The following NDP variants were observed in gnomAD, a reference collection of about 807,000 sequenced individuals.
NDP encodes norrin.
Under a neutral mutation model 8.4 loss-of-function variants are expected in NDP, and 2 were observed. The ratio of observed to expected loss-of-function variants is 0.24; its 90% confidence interval spans 0.10 to 0.75. NDP has a LOEUF of 0.75. NDP is among the 30% of genes least tolerant of loss of function. The pLI, the probability that NDP is intolerant of heterozygous loss-of-function variation, is 0.73. For synonymous variants in NDP, 55 were observed against 45.6 expected (o/e 1.21, Z -0.83); for missense variants, 81 against 110.1 (o/e 0.74, Z 1.18).
intron 1 of NDP, among the ~76,000 whole-genome samples, chrX:43,963,877 A>G (rs746470455): frequency 1.8e-5 from 2 of 112,905 alleles, no homozygotes; most frequent in Non-Finnish European, 3.7e-5. Flanking sequence ...AGCTGGCAGC[A>G]CATCAGTAGC....
At chrX:43,955,498 C>T (rs2035787744) in intron 2 of NDP, among the ~76,000 whole-genome samples, 1 of 112,477 alleles carries the variant, frequency 8.9e-6, no homozygotes, top group Non-Finnish European at 1.9e-5. Flanking sequence ...GCCTGGCATG[C>T]CTCAGTTCTC....
rs2035746367 is a variant in NDP at position 43,949,229 on chromosome X, CTGTT to C, written c.*566_*569del. ...GAGTTCCAGCATCACATAAAAGAAT[CTGTT>C]TGTTAGTTATTTTAATGTCAGTTCG... On this transcript the variant is annotated 3_prime_UTR_variant, in exon 3 of 3. Coordinates refer to ENST00000642620, the MANE Select transcript of NDP (RefSeq NM_000266.4). 3 of 114,620 alleles carry C rather than the reference CTGTT, an allele frequency of 2.6e-5. No homozygotes were observed. In the Admixed American group the frequency reaches 2.7e-4, roughly 10 times the overall value. 9.4% of individuals were successfully genotyped at this position (114,620 alleles called of 1,213,427 possible).
intron 2 of NDP, among the ~76,000 whole-genome samples, chrX:43,957,808 C>G (rs777802950): frequency 7.9e-5 from 8 of 100,922 alleles, no homozygotes; most frequent in Non-Finnish European, 1.2e-4. Flanking sequence ...TATGTTCCAC[C>G]CTACAATGTG....
At chrX:43,969,976 TC>T (rs955697266) in intron 1 of NDP, among the ~76,000 whole-genome samples, 1 of 112,042 alleles carries the variant, frequency 8.9e-6, no homozygotes, top group Non-Finnish European at 1.9e-5. Flanking sequence ...CTAGCTGGAT[TC>T]TTTTCTGAAT....
At chrX:43,965,988 T>A (rs1292449853) in intron 1 of NDP, among the ~76,000 whole-genome samples, 2 of 111,374 alleles carry the variant, frequency 1.8e-5, no homozygotes. Flanking sequence ...CAGAAAAGAG[T>A]CATTCTGAAG....
At chrX:43,965,317 G>T (rs1016223026) in intron 1 of NDP, among the ~76,000 whole-genome samples, 1 of 110,821 alleles carries the variant, frequency 9.0e-6, no homozygotes, top group Non-Finnish European at 1.9e-5. Context: ...TACTTGGGAG[G>T]TTGAGGTGGG....
intron 1 of NDP, among the ~76,000 whole-genome samples, chrX:43,970,896 C>A (rs1006977041): frequency 1.8e-5 from 2 of 111,811 alleles, no homozygotes; most frequent in African/African-American, 6.5e-5. Flanking sequence ...TTCCGGGATT[C>A]TTCTACCCAG....
intron 2 of NDP, among the ~76,000 whole-genome samples, chrX:43,954,761 T>C: frequency 9.0e-6 from 1 of 110,808 alleles, no homozygotes; most frequent in Non-Finnish European, 1.9e-5. Context: ...TTCCTAGGTT[T>C]TGTCTCCCAA....
chrX:43,950,115 G>A, intron 2 of NDP, 89 bp from the exon 3 acceptor site: 1 of 837,656 alleles, frequency 1.2e-6, no homozygotes, highest in Non-Finnish European at 1.7e-6. Flanking sequence ...CCTCACACTC[G>A]TTGCCAATTC....
intron 1 of NDP, among the ~76,000 whole-genome samples, chrX:43,960,191 G>A (rs961401229): frequency 8.1e-5 from 9 of 111,537 alleles, no homozygotes; most frequent in African/African-American, 2.9e-4. Context: ...GGAAGGGCAA[G>A]GACCAGTAAT....
chrX:43,958,385 T>C lies in NDP; in HGVS notation c.174+87A>G. 9.3e-6 allele frequency: 10 copies of C among 1,074,872 alleles called. No individual in the cohort carries two copies. The South Asian group carries it at 1.9e-4, about 20-fold the overall frequency. The allele number at this position is 1,074,872 out of a possible 1,213,427, so 88.6% of individuals were successfully genotyped here. A position where few individuals can be genotyped will look rare whatever the true frequency, so the allele number is the denominator to read the frequency against. ...CACATCACTTAAGTTTGGGCTATGA[T>C]CTTAGTTCTCCATCCCCTGACAAAG... On this transcript the variant is annotated intron_variant, in intron 2 of 2. Transcript: ENST00000642620.
intron 1 of NDP, among the ~76,000 whole-genome samples, chrX:43,969,820 G>C (rs929996607): frequency 8.9e-6 from 1 of 111,757 alleles, no homozygotes; most frequent in African/African-American, 3.3e-5. Context: ...GAGCTCAGGC[G>C]AAGGGAAAAG....
At chrX:43,962,129 C>G (rs1367284259) in intron 1 of NDP, among the ~76,000 whole-genome samples, 1 of 111,641 alleles carries the variant, frequency 9.0e-6, no homozygotes, top group Non-Finnish European at 1.9e-5. Context: ...TCAACACACT[C>G]AGAAAACGTG....
At chrX:43,956,940 A>G (rs1261992935) in intron 2 of NDP, among the ~76,000 whole-genome samples, 1 of 112,037 alleles carries the variant, frequency 8.9e-6, no homozygotes, top group Non-Finnish European at 1.9e-5. Flanking sequence ...GATTGTTGCC[A>G]AAGTACTCCT....
At chrX:43,965,562 A>G (rs1250419431) in intron 1 of NDP, among the ~76,000 whole-genome samples, 1 of 111,981 alleles carries the variant, frequency 8.9e-6, no homozygotes, top group Admixed American at 9.4e-5. Flanking sequence ...ATAAACGGGG[A>G]GAGAAGAAAG....
chrX:43,963,322 C>G (rs1455314491), intron 1 of NDP, among the ~76,000 whole-genome samples: 4 of 88,577 alleles, frequency 4.5e-5, no homozygotes, highest in African/African-American at 1.6e-4. Context: ...CAGGCAGAGT[C>G]TTGGCCTGTT....
intron 2 of NDP, among the ~76,000 whole-genome samples, chrX:43,951,270 C>G (rs1330153871): frequency 1.8e-5 from 2 of 109,213 alleles, no homozygotes; most frequent in Non-Finnish European, 3.8e-5. Flanking sequence ...AAAAAGTTAA[C>G]CAGGCGTGGT....
At chrX:43,967,553 G>C (rs1158348351) in intron 1 of NDP, among the ~76,000 whole-genome samples, 1 of 111,572 alleles carries the variant, frequency 9.0e-6, no homozygotes, top group African/African-American at 3.3e-5. Context: ...GGGAGAGTGG[G>C]TGAAATAAAG....
At chrX:43,951,288 A>G (rs2035759917) in intron 2 of NDP, among the ~76,000 whole-genome samples, 1 of 109,046 alleles carries the variant, frequency 9.2e-6, no homozygotes, top group Non-Finnish European at 1.9e-5. Context: ...GGTGATGTGC[A>G]CCTGTAGTCC....
Sources: gnomAD v4.1 joint callset for allele counts (sites outside exome capture counted in the v4.1 genomes callset) on GRCh38, gnomAD v4.1.1 for gene constraint, MANE v1.5 for transcripts, NCBI Gene and HGNC (gene_info 2026-07-23, HGNC 2026-07-21) for gene names.